Variants in MORC1 observed in about 807,000 individuals in gnomAD.
MORC1 encodes MORC family CW-type zinc finger 1, also known as MORC family CW-type zinc finger protein 1.
Under a neutral mutation model 134.9 loss-of-function variants are expected in MORC1, and 59 were observed. That is an observed-to-expected ratio of 0.44 (90% confidence interval 0.35 to 0.54). MORC1 has a LOEUF of 0.54. Among genes scored for constraint, MORC1 ranks in the 20% least tolerant of loss-of-function variants. The pLI, the probability that MORC1 is intolerant of heterozygous loss-of-function variation, is 0.00. For missense variants in MORC1, 947 were observed against 1,134.5 expected (o/e 0.83, Z 2.37); for synonymous variants, 395 against 391.7 (o/e 1.01, Z -0.10).
intron 9 of MORC1, among the ~76,000 whole-genome samples, chr3:109,064,855 G>A (rs1476464822): frequency 6.6e-6 from 1 of 152,064 alleles, no homozygotes; most frequent in Non-Finnish European, 1.5e-5. Context: ...CAAATTTAGT[G>A]TGCCTACTAT....
chr3:108,972,326 T>C (rs1947406686), intron 24 of MORC1, among the ~76,000 whole-genome samples: 1 of 152,200 alleles, frequency 6.6e-6, no homozygotes, highest in African/African-American at 2.4e-5. Context: ...GCCTCATGTA[T>C]ATTATCTAAG....
At chr3:108,974,887 T>C (rs888743553) in intron 24 of MORC1, among the ~76,000 whole-genome samples, 4 of 152,256 alleles carry the variant, frequency 2.6e-5, no homozygotes, top group Non-Finnish European at 4.4e-5. Context: ...TCCACATCTA[T>C]ATCTGCAAGT....
intron 16 of MORC1, among the ~76,000 whole-genome samples, chr3:109,030,936 T>C (rs929417730): frequency 6.6e-5 from 10 of 152,232 alleles, no homozygotes; most frequent in Admixed American, 4.6e-4. Context: ...CTTATCAAAG[T>C]ATCTCATATA....
chr3:109,101,564 G>A (rs1315650388), intron 4 of MORC1: 1 of 152,188 alleles, frequency 6.6e-6, no homozygotes, highest in Non-Finnish European at 1.5e-5. Context: ...TATGAGGTGT[G>A]TAAAAGCCAC....
chr3:109,009,872 C>T (rs1351221242), intron 17 of MORC1, among the ~76,000 whole-genome samples: 1 of 152,076 alleles, frequency 6.6e-6, no homozygotes, highest in Non-Finnish European at 1.5e-5. Flanking sequence ...TGATTTATAC[C>T]TTTAAAAATG....
intron 6 of MORC1, among the ~76,000 whole-genome samples, chr3:109,098,841 A>C (rs1378040715): frequency 6.6e-6 from 1 of 152,154 alleles, no homozygotes; most frequent in Non-Finnish European, 1.5e-5. Context: ...GTAGTTCCTC[A>C]ACATGTATTT....
chr3:108,991,853 A>G (rs1426950952), intron 21 of MORC1, among the ~76,000 whole-genome samples: 1 of 152,096 alleles, frequency 6.6e-6, no homozygotes, highest in Admixed American at 6.6e-5. Context: ...CCATCTCAGA[A>G]CTGCTTTCAT....
Position 109,069,797 on chromosome 3 carries a change from C to T in MORC1, c.690-40G>A, listed in dbSNP as rs779078344. ...ACAAAATGTCACAATACAGAGGACA[C>T]AACAACTACATCTCTTTGAGAAGAA... On this transcript the variant is annotated intron_variant, in intron 8 of 27. Coordinates refer to ENST00000232603, the MANE Select transcript of MORC1 (RefSeq NM_014429.4). 7.1e-6 allele frequency: 11 copies of T among 1,557,698 alleles called. No homozygotes were observed. In the East Asian group the frequency reaches 1.4e-4, roughly 19 times the overall value.
intron 9 of MORC1, among the ~76,000 whole-genome samples, chr3:109,063,879 T>C (rs947966242): frequency 2.0e-5 from 3 of 152,124 alleles, no homozygotes; most frequent in African/African-American, 7.2e-5. Context: ...GTTGAAAGTA[T>C]GTGCACCTGT....
intron 8 of MORC1, among the ~76,000 whole-genome samples, chr3:109,081,798 C>A (rs114883803): frequency 6.6e-6 from 1 of 152,074 alleles, no homozygotes; most frequent in Non-Finnish European, 1.5e-5. Context: ...CCCAATCTGC[C>A]CATCTTCTAA....
intron 1 of MORC1, 117 bp from the exon 2 acceptor site, chr3:109,114,554 G>A (rs1169122800): frequency 8.5e-6 from 7 of 823,496 alleles, no homozygotes; most frequent in Non-Finnish European, 1.3e-5. Flanking sequence ...GAATTAAGAA[G>A]TTACTCTAGA....
At chr3:108,959,985 G>T (rs549570024) in intron 27 of MORC1, among the ~76,000 whole-genome samples, 1 of 152,154 alleles carries the variant, frequency 6.6e-6, no homozygotes, top group Non-Finnish European at 1.5e-5. Flanking sequence ...CCAATGGAGA[G>T]CCTATAACAG....
Position 109,058,240 on chromosome 3 carries a change from C to T in MORC1, c.1032-754G>A, listed in dbSNP as rs1275071759. Among the ~76,000 whole-genome samples, 8 of 152,172 alleles carry T rather than the reference C, an allele frequency of 5.3e-5. No individual in the cohort carries two copies. In the East Asian group the frequency reaches 1.5e-3, roughly 29 times the overall value. ...CCTGTCTTTGTAATAACCATGTGACCATGGATGGTGCCTCTTAAACTTTCT... is the reference window on the plus strand; with the variant it reads ...CCTGTCTTTGTAATAACCATGTGACTATGGATGGTGCCTCTTAAACTTTCT... On this transcript the variant is annotated intron_variant, in intron 12 of 27. Transcript: ENST00000232603.
At chr3:108,968,082 C>A (rs1242628036) in intron 26 of MORC1, among the ~76,000 whole-genome samples, 31 of 152,186 alleles carry the variant, frequency 2.0e-4, no homozygotes, top group Non-Finnish European at 4.4e-5. Flanking sequence ...GGCTCCCAAT[C>A]AATCAATCCC....
At chr3:108,989,740 T>C (rs1399325210) in intron 21 of MORC1, among the ~76,000 whole-genome samples, 3 of 152,128 alleles carry the variant, frequency 2.0e-5, no homozygotes, top group Admixed American at 6.6e-5. Context: ...AAAGACCCCT[T>C]CTGTTTGCAC....
At chr3:108,967,363 A>G (rs1390696538) in intron 26 of MORC1, among the ~76,000 whole-genome samples, 2 of 152,192 alleles carry the variant, frequency 1.3e-5, no homozygotes, top group Non-Finnish European at 2.9e-5. Flanking sequence ...TTTACAGTGC[A>G]TTCAAATCAG....
chr3:108,982,519 A>ACGG (rs1947756904), intron 23 of MORC1, among the ~76,000 whole-genome samples: 1 of 145,716 alleles, frequency 6.9e-6, no homozygotes, highest in East Asian at 2.0e-4. Flanking sequence ...ATAGGTGGGA[A>ACGG]TCGAACAATA....
chr3:108,981,637 T>C (rs900884581), intron 23 of MORC1, among the ~76,000 whole-genome samples: 1 of 152,192 alleles, frequency 6.6e-6, no homozygotes, highest in Non-Finnish European at 1.5e-5. Flanking sequence ...TGAATAATAA[T>C]AGGGCCTACC....
chr3:109,003,782 A>G (rs1054658943), intron 20 of MORC1, among the ~76,000 whole-genome samples: 2 of 152,192 alleles, frequency 1.3e-5, no homozygotes, highest in African/African-American at 4.8e-5. Flanking sequence ...AGTCTCAAGA[A>G]AAGATTTGGG....
Sources: gnomAD v4.1 joint callset for allele counts (sites outside exome capture counted in the v4.1 genomes callset) on GRCh38, gnomAD v4.1.1 for gene constraint, MANE v1.5 for transcripts, NCBI Gene and HGNC (gene_info 2026-07-23, HGNC 2026-07-21) for gene names.